RUFY1: variants seen among roughly 807,000 people sequenced by gnomAD.
RUFY1 encodes the protein RUN and FYVE domain-containing protein 1.
A neutral mutation model predicts 94.6 loss-of-function variants in RUFY1; 54 were observed. The observed-to-expected ratio is 0.57, with a 90% CI of 0.46 to 0.72. The LOEUF is 0.72. RUFY1 is among the 30% of genes least tolerant of loss of function. The pLI, the probability that RUFY1 is intolerant of heterozygous loss-of-function variation, is 0.00. For synonymous variants in RUFY1, 396 were observed against 347.3 expected, an observed-to-expected ratio of 1.14 and a Z score of -1.56; for missense variants, 883 against 883.9, an observed-to-expected ratio of 1.00 and a Z score of 0.01.
chr5:179,596,820 A>T (rs1191600446), intron 13 of RUFY1, 139 bp downstream of exon 13: 1 of 1,122,950 alleles, frequency 8.9e-7, no homozygotes. Context: ...TTCACCACTC[A>T]CCCCTGCAGG....
Position 179,596,574 on chromosome 5 carries a change from G to C in RUFY1, c.1524G>C (p.Ser508=), listed in dbSNP as rs367823926. The change falls in exon 13 of 18, where the codon TCG becomes TCC. Residue 508 remains serine, a synonymous_variant. Coordinates refer to ENST00000319449, the MANE Select transcript of RUFY1 (RefSeq NM_025158.5). ...GTGTCGCATCCAGGTTGCAGCACTC[G>C]GAGCGGGCGAGGCAGGGGGCTGAGG... ...MKQMEERLQH[S]ERARQGAEER... The C allele has an allele frequency of 1.9e-6, 3 of 1,613,686 alleles. No homozygotes were observed. In the South Asian group the frequency reaches 3.3e-5, roughly 18 times the overall value.
chr5:179,593,451 C>T (rs773006399), intron 10 of RUFY1, 27 bp from the exon 11 acceptor site: 5 of 1,579,352 alleles, frequency 3.2e-6, no homozygotes, highest in Non-Finnish European at 4.4e-6. Flanking sequence ...ATTTTAATAA[C>T]ATTTTCCTTG....
In RUFY1 at chr5:179,563,214, T is replaced by C. The variant is rs115983342; in HGVS notation, c.602+550T>C. Among the ~76,000 whole-genome samples, 856 of 152,246 alleles carry C rather than the reference T, an allele frequency of 5.6e-3. 14 individuals are homozygous for C. Among genetic ancestry groups the C allele is most frequent in the African/African-American group, 0.019 (809 of 41,546 alleles). On this transcript the variant is annotated intron_variant, in intron 3 of 17. Transcript: ENST00000319449. ...ATGCAAAAGAACCCTCTGCAGAGTT[T>C]CCCAGACGGGACTGGACTGTTGAGC...
At chr5:179,574,963 G>C (rs1763509349) in intron 5 of RUFY1, among the ~76,000 whole-genome samples, 1 of 151,706 alleles carries the variant, frequency 6.6e-6, no homozygotes, top group South Asian at 2.1e-4. Flanking sequence ...ATGCTTGCTT[G>C]TTGAAAAAAG....
chr5:179,575,395 A>G (rs1042553002), intron 5 of RUFY1, among the ~76,000 whole-genome samples: 2 of 152,122 alleles, frequency 1.3e-5, no homozygotes, highest in African/African-American at 2.4e-5. Flanking sequence ...CTGGAATGGC[A>G]GGGGTTTCTT....
chr5:179,573,077 G>C (rs1034521681), intron 5 of RUFY1, among the ~76,000 whole-genome samples: 1 of 152,080 alleles, frequency 6.6e-6, no homozygotes, highest in Admixed American at 6.6e-5. Flanking sequence ...AATATGCATT[G>C]GTTTATTTCT....
intron 9 of RUFY1, among the ~76,000 whole-genome samples, chr5:179,590,102 C>T (rs1317768364): frequency 6.6e-6 from 1 of 152,082 alleles, no homozygotes; most frequent in African/African-American, 2.4e-5. Context: ...ACCTGTAATC[C>T]CAGCACTTTG....
At chr5:179,601,583 G>T (rs1766402179) in intron 14 of RUFY1, among the ~76,000 whole-genome samples, 3 of 151,322 alleles carry the variant, frequency 2.0e-5, no homozygotes, top group Non-Finnish European at 4.4e-5. Flanking sequence ...CACTTTGGGA[G>T]GCCGAGGCGG....
At chr5:179,599,454 C>T (rs74899832) in intron 14 of RUFY1, 4,603 of 152,578 alleles carry the variant, frequency 0.03, 221 homozygotes, top group African/African-American at 0.1. Flanking sequence ...GGAAGCAGAC[C>T]GACCCCAGCC....
In RUFY1 at chr5:179,609,799, C is replaced by G; in HGVS notation, c.*280C>G. 2.8e-6 allele frequency: 1 copy of G among 360,138 alleles called. No homozygotes were observed. The highest frequency in any genetic ancestry group is 5.0e-6 in the Non-Finnish European group (1 of 199,728). 22.3% of individuals were successfully genotyped at this position (360,138 alleles called of 1,614,324 possible). ...ATGATTTTGCTACTATCATTTTTCA[C>G]TTTTCAAAGAATTTAACCTATTTTA... On this transcript the variant is annotated 3_prime_UTR_variant, in exon 18 of 18. Coordinates refer to ENST00000319449, the MANE Select transcript of RUFY1 (RefSeq NM_025158.5).
rs891707944 is a variant in RUFY1 at position 179,604,827 on chromosome 5, C to T, written c.1857-1049C>T. Among the ~76,000 whole-genome samples the T allele has an allele frequency of 5.9e-5, 9 of 151,392 alleles. No individual in the cohort carries two copies. The East Asian group carries it at 9.7e-4, about 16-fold the overall frequency. ...TGAAACCCCATCTCTAGTAAAAGTA[C>T]AAGAAAATAAGCTGGGTGTGGTGTC... is the stretch of plus-strand genomic sequence containing the variant. On this transcript the variant is annotated intron_variant, in intron 15 of 17. Transcript: ENST00000319449.
At chr5:179,552,780 G>A (rs758817947) in intron 1 of RUFY1, among the ~76,000 whole-genome samples, 3 of 152,222 alleles carry the variant, frequency 2.0e-5, no homozygotes, top group Non-Finnish European at 4.4e-5. Flanking sequence ...AAATGTGTCA[G>A]TACCTGGCAC....
chr5:179,556,924 T>C (rs372426795), intron 1 of RUFY1, among the ~76,000 whole-genome samples: 6 of 152,356 alleles, frequency 3.9e-5, no homozygotes, highest in Admixed American at 1.3e-4. Context: ...TAGTCCTGTT[T>C]TTTGTTTGTT....
chr5:179,578,237 G>A (rs928016955), intron 6 of RUFY1, among the ~76,000 whole-genome samples: 1 of 152,140 alleles, frequency 6.6e-6, no homozygotes, highest in Admixed American at 6.6e-5. Flanking sequence ...TGTTTGAGAT[G>A]GATTCTCGCT....
intron 15 of RUFY1, 66 bp from the exon 16 acceptor site, chr5:179,605,810 C>A: frequency 9.6e-7 from 1 of 1,040,594 alleles, no homozygotes; most frequent in Non-Finnish European, 1.5e-6. Flanking sequence ...TGAGAGCCAG[C>A]TGTGTTAGGG....
chr5:179,562,797 A>G, intron 3 of RUFY1, 133 bp downstream of exon 3: 1 of 643,054 alleles, frequency 1.6e-6, no homozygotes, highest in Non-Finnish European at 2.8e-6. Context: ...CATGATCTCT[A>G]GCAAGACTTG....
chr5:179,603,486 T>A (rs901816140), intron 15 of RUFY1: 1 of 152,088 alleles, frequency 6.6e-6, no homozygotes, highest in Non-Finnish European at 1.5e-5. Context: ...CCTGTCAACT[T>A]GCCGTGCTCT....
At chr5:179,607,537 G>C in intron 16 of RUFY1, 45 bp from the exon 17 acceptor site, 1 of 1,558,042 alleles carries the variant, frequency 6.4e-7, no homozygotes, top group South Asian at 1.1e-5. Flanking sequence ...CACTCATCAG[G>C]GGCTTAGACA....
chr5:179,585,953 T>A, intron 8 of RUFY1, 88 bp downstream of exon 8: 1 of 1,046,472 alleles, frequency 9.6e-7, no homozygotes, highest in Non-Finnish European at 1.5e-6. Context: ...TAGCAGAGCT[T>A]CCTGCTGGTA....
Sources: gnomAD v4.1 joint callset for allele counts (sites outside exome capture counted in the v4.1 genomes callset) on GRCh38, gnomAD v4.1.1 for gene constraint, MANE v1.5 for transcripts, NCBI Gene and HGNC (gene_info 2026-07-23, HGNC 2026-07-21) for gene names.